NAV3: variants seen among roughly 807,000 people sequenced by gnomAD.
NAV3 encodes neuron navigator 3, also known as pore membrane and/or filament interacting like protein 1.
Under a neutral mutation model 244.7 loss-of-function variants are expected in NAV3, and 87 were observed. That is an observed-to-expected ratio of 0.36 (90% confidence interval 0.30 to 0.42). The LOEUF is 0.42. Ranked by LOEUF, NAV3 falls within the 20% of genes least tolerant of loss-of-function variation. The probability of loss-of-function intolerance (pLI) is 1.00; values close to 1 mark genes in which losing one functional copy is unlikely to be tolerated. For synonymous variants in NAV3, 1,126 were observed against 1,042.2 expected (o/e 1.08, Z -1.55); for missense variants, 2,663 against 2,893.3 (o/e 0.92, Z 1.83).
At chr12:78,171,016 G>A (rs1009283631) in intron 24 of NAV3, among the ~76,000 whole-genome samples, 4 of 151,680 alleles carry the variant, frequency 2.6e-5, no homozygotes, top group Non-Finnish European at 5.9e-5. Flanking sequence ...ATGATGTCTT[G>A]CATGTAACAG....
rs772261063 is a variant in NAV3 at position 78,021,875 on chromosome 12, A to G, written c.2023+13A>G. 1 of 1,507,918 alleles carries G rather than the reference A, an allele frequency of 6.6e-7. No individual in the cohort carries two copies. The highest frequency in any genetic ancestry group is 9.2e-7 in the Non-Finnish European group (1 of 1,091,968). The allele number at this position is 1,507,918 out of a possible 1,614,324, so 93.4% of individuals were successfully genotyped here. ...GAGGAGATATCTGGTAAGTGACCTCATCGATGCATAGGTCAAACCTAGGAA... is the reference window on the plus strand; with the variant it reads ...GAGGAGATATCTGGTAAGTGACCTCGTCGATGCATAGGTCAAACCTAGGAA... On this transcript the variant is annotated intron_variant, in intron 9 of 39. Transcript: ENST00000397909.
chr12:78,088,130 T>G (rs1366700575), intron 12 of NAV3, among the ~76,000 whole-genome samples: 1 of 151,496 alleles, frequency 6.6e-6, no homozygotes, highest in Non-Finnish European at 1.5e-5. Context: ...ATACTTCTTA[T>G]CCACTTAACA....
At chr12:77,600,560 A>G (rs1870380332) in intron 2 of NAV3, among the ~76,000 whole-genome samples, 1 of 151,980 alleles carries the variant, frequency 6.6e-6, no homozygotes, top group South Asian at 2.1e-4. Flanking sequence ...AGACCAGGAG[A>G]GAAGAGAACT....
chr12:77,873,746 A>G (rs112792295), intron 1 of NAV3, among the ~76,000 whole-genome samples: 2,937 of 66,968 alleles, frequency 0.044, 168 homozygotes, highest in African/African-American at 0.11. Flanking sequence ...GTGTGTGTGT[A>G]TATATATATA....
intron 1 of NAV3, among the ~76,000 whole-genome samples, chr12:77,875,622 C>T (rs1203796574): frequency 2.0e-5 from 3 of 151,620 alleles, no homozygotes. Flanking sequence ...ATGAGGAAAA[C>T]AATTATAATT....
intron 1 of NAV3, among the ~76,000 whole-genome samples, chr12:77,923,989 G>A (rs2137210918): frequency 6.6e-6 from 1 of 152,176 alleles, no homozygotes; most frequent in South Asian, 2.1e-4. Flanking sequence ...TGTACATAAG[G>A]GAGTTGTTCT....
intron 12 of NAV3, among the ~76,000 whole-genome samples, chr12:78,079,338 T>C (rs1953229289): frequency 6.6e-6 from 1 of 152,234 alleles, no homozygotes; most frequent in South Asian, 2.1e-4. Flanking sequence ...ATCATAAATT[T>C]TGAAAGAAAT....
rs1446044531 is a variant in NAV3 at position 77,976,666 on chromosome 12, C to CTTTCTTTTTT, written c.671+7967_671+7968insCTTTTTTTTT. Reference sequence around the variant, plus strand: ...GTATTCTTTCTTTCTTTCTTTCTTTCTTTTTTTCTTTTTTTTTTTTTTTTT... The same window carrying CTTTCTTTTTT: ...GTATTCTTTCTTTCTTTCTTTCTTTCTTTCTTTTTTTTTTTTTCTTTTTTTTTTTTTTTTT... On this transcript the variant is annotated intron_variant, in intron 5 of 39. Transcript: ENST00000397909. Among the ~76,000 whole-genome samples the CTTTCTTTTTT allele has an allele frequency of 1.5e-3, 86 of 58,042 alleles. 4 individuals carry two copies. Among genetic ancestry groups the CTTTCTTTTTT allele is most frequent in the African/African-American group, 1.9e-3 (30 of 15,388 alleles). The allele number at this position is 58,042 out of a possible 152,430, so 38.1% of individuals were successfully genotyped here. A position where few individuals can be genotyped will look rare whatever the true frequency, so the allele number is the denominator to read the frequency against.
intron 2 of NAV3, among the ~76,000 whole-genome samples, chr12:77,658,855 G>A (rs1201326996): frequency 1.3e-5 from 2 of 152,108 alleles, no homozygotes; most frequent in South Asian, 2.1e-4. Context: ...ACAAGCAATG[G>A]GGAAAGGATT....
intron 7 of NAV3, among the ~76,000 whole-genome samples, chr12:78,001,419 T>C (rs749265527): frequency 1.4e-4 from 22 of 152,210 alleles, no homozygotes; most frequent in Non-Finnish European, 2.9e-4. Flanking sequence ...GTTACATAAA[T>C]CAGTTCAGGA....
chr12:77,636,982 GC>G (rs1872186294), intron 2 of NAV3, among the ~76,000 whole-genome samples: 2 of 152,120 alleles, frequency 1.3e-5, no homozygotes, highest in African/African-American at 4.8e-5. Flanking sequence ...ACACACTGGG[GC>G]CTGTTGGGGG....
intron 2 of NAV3, among the ~76,000 whole-genome samples, chr12:77,782,438 A>G (rs1870712715): frequency 6.6e-6 from 1 of 152,038 alleles, no homozygotes; most frequent in African/African-American, 2.4e-5. Context: ...CCATGATCAC[A>G]TTAGTTAGAA....
intron 12 of NAV3, among the ~76,000 whole-genome samples, chr12:78,071,575 A>C (rs897326498): frequency 1.3e-5 from 2 of 152,032 alleles, no homozygotes; most frequent in African/African-American, 4.8e-5. Flanking sequence ...CCCATTTGTC[A>C]ATCTCGTCTT....
intron 2 of NAV3, among the ~76,000 whole-genome samples, chr12:77,582,231 T>C (rs999875437): frequency 1.3e-5 from 2 of 152,240 alleles, no homozygotes; most frequent in African/African-American, 4.8e-5. Flanking sequence ...ACTAATGTGT[T>C]GTTAGAAGTA....
chr12:77,936,498 C>T (rs1889340036), intron 1 of NAV3, among the ~76,000 whole-genome samples: 1 of 152,114 alleles, frequency 6.6e-6, no homozygotes, highest in East Asian at 1.9e-4. Context: ...GACCCTTTTA[C>T]AAAAATTACC....
At chr12:78,150,629 C>A (rs1348067903) in intron 22 of NAV3, among the ~76,000 whole-genome samples, 18 of 122,532 alleles carry the variant, frequency 1.5e-4, no homozygotes, top group African/African-American at 4.6e-4. Flanking sequence ...GCAAAAGCTT[C>A]CTCACACACA....
At chr12:77,893,933 A>G (rs143845147) in intron 1 of NAV3, among the ~76,000 whole-genome samples, 4 of 152,340 alleles carry the variant, frequency 2.6e-5, no homozygotes, top group African/African-American at 7.2e-5. Context: ...ACTAAAGCCC[A>G]AAGTGTATTC....
At position 78,118,398 on chromosome 12, in the gene NAV3, T is replaced by G. The variant is rs536856978; in HGVS notation, c.3040+101T>G. ...ACAATAGCATTTCTAAAATACCAAA[T>G]TCTTATCCATATTAAACATGGAGTC... On this transcript the variant is annotated intron_variant, in intron 14 of 39. Transcript: ENST00000397909. 14 of 1,416,686 alleles carry G rather than the reference T, an allele frequency of 9.9e-6. No homozygotes were observed. In the Admixed American group the frequency reaches 2.9e-4, roughly 30 times the overall value. The allele number at this position is 1,416,686 out of a possible 1,614,324, so 87.8% of individuals were successfully genotyped here.
At chr12:78,170,630 C>T (rs759083528) in intron 24 of NAV3, among the ~76,000 whole-genome samples, 4 of 151,718 alleles carry the variant, frequency 2.6e-5, no homozygotes, top group Non-Finnish European at 5.9e-5. Context: ...TTATTCATAA[C>T]CAATTAAGTG....
Sources: allele counts gnomAD v4.1 joint callset (sites outside exome capture counted in the v4.1 genomes callset), GRCh38; gene constraint gnomAD v4.1.1; transcripts MANE v1.5; gene names NCBI Gene and HGNC (gene_info 2026-07-23, HGNC 2026-07-21).